The following AGXT2 variants were observed in gnomAD, a reference collection of about 807,000 sequenced individuals.
AGXT2 encodes alanine--glyoxylate aminotransferase 2, mitochondrial.
Under a neutral mutation model 62.5 loss-of-function variants are expected in AGXT2, and 61 were observed. The observed-to-expected ratio is 0.98, with a 90% CI of 0.79 to 1.21. AGXT2 has a LOEUF of 1.21. Ranked by LOEUF, AGXT2 falls within the 50% of genes most tolerant of loss-of-function variation. The pLI, the probability that AGXT2 is intolerant of heterozygous loss-of-function variation, is 0.00. For synonymous variants in AGXT2, 243 were observed against 218.7 expected (o/e 1.11, Z -0.98); for missense variants, 666 against 641.5 (o/e 1.04, Z -0.41).
intron 9 of AGXT2, among the ~76,000 whole-genome samples, chr5:35,020,146 A>T (rs910884842): frequency 3.3e-5 from 5 of 152,248 alleles, no homozygotes; most frequent in Non-Finnish European, 7.3e-5. Flanking sequence ...CCAGAGGTAC[A>T]AGGAGGAACT....
intron 7 of AGXT2, among the ~76,000 whole-genome samples, chr5:35,029,514 T>G: frequency 6.6e-6 from 1 of 152,180 alleles, no homozygotes; most frequent in South Asian, 2.1e-4. Context: ...GATGTAACCC[T>G]AGGTTAGGCC....
intron 7 of AGXT2, among the ~76,000 whole-genome samples, chr5:35,030,871 C>T (rs10941229): frequency 0.43 from 65,574 of 152,118 alleles, 15,533 homozygotes; most frequent in East Asian, 0.67. Context: ...TATTCAAATA[C>T]GGCTTTACCA....
intron 9 of AGXT2, among the ~76,000 whole-genome samples, chr5:35,015,953 G>A (rs774613504): frequency 7.3e-5 from 11 of 151,420 alleles, no homozygotes; most frequent in Non-Finnish European, 1.6e-4. Flanking sequence ...AGTGACCAGT[G>A]TAGGAGAAGA....
intron 12 of AGXT2, among the ~76,000 whole-genome samples, chr5:35,004,416 G>T (rs1029828810): frequency 6.6e-6 from 1 of 152,128 alleles, no homozygotes; most frequent in Non-Finnish European, 1.5e-5. Flanking sequence ...GCATCCTCCA[G>T]GGTTAGGAAA....
intron 1 of AGXT2, among the ~76,000 whole-genome samples, chr5:35,041,435 C>T (rs1406594671): frequency 1.3e-5 from 2 of 152,022 alleles, no homozygotes; most frequent in African/African-American, 2.4e-5. Context: ...AGAACGGGAA[C>T]AAAACTCCTC....
intron 13 of AGXT2, among the ~76,000 whole-genome samples, chr5:35,002,783 G>A (rs1186374262): frequency 6.6e-6 from 1 of 151,888 alleles, no homozygotes. Context: ...GGCTGGGGGG[G>A]GGGACTAACA....
At chr5:35,030,001 G>C (rs1767500753) in intron 7 of AGXT2, among the ~76,000 whole-genome samples, 1 of 152,162 alleles carries the variant, frequency 6.6e-6, no homozygotes, top group South Asian at 2.1e-4. Context: ...CCTATCAATA[G>C]GTTAAGAGGA....
intron 1 of AGXT2, among the ~76,000 whole-genome samples, chr5:35,045,600 A>G (rs1486392216): frequency 1.3e-5 from 2 of 152,138 alleles, no homozygotes; most frequent in Non-Finnish European, 2.9e-5. Flanking sequence ...TGCTCAATAA[A>G]TGTATGTTAG....
chr5:35,018,157 T>C (rs1389470195), intron 9 of AGXT2, among the ~76,000 whole-genome samples: 1 of 152,146 alleles, frequency 6.6e-6, no homozygotes, highest in African/African-American at 2.4e-5. Flanking sequence ...CTGCAGGATA[T>C]TATCCAGGAG....
chr5:34,999,129 C>G (rs1766136822), intron 13 of AGXT2, among the ~76,000 whole-genome samples: 1 of 152,206 alleles, frequency 6.6e-6, no homozygotes, highest in African/African-American at 2.4e-5. Context: ...CCCAGGGTGA[C>G]TTCCATGTCC....
chr5:35,026,411 T>C lies in AGXT2; in HGVS notation c.869A>G (p.Gln290Arg), dbSNP rs1168997072. 1 of 1,613,638 alleles carries C rather than the reference T, an allele frequency of 6.2e-7. No homozygotes were observed. The highest frequency in any genetic ancestry group is 1.7e-5 in the Admixed American group (1 of 60,020). Reference protein sequence around the residue: ...SIAGFFAEPIQGVNGVVQYPK... With the variant: ...SIAGFFAEPIRGVNGVVQYPK... The stretch of plus-strand genomic sequence containing the variant: ...AATGTCTAAGGTTCATATACCCACT[T>C]GAATAGGTTCTGCGAAAAATCCAGC... The change falls in exon 8 of 14, where the codon CAA becomes CGA. Residue 290 changes from glutamine to arginine, a missense_variant and splice_region_variant. Physicochemically the swap from Gln to Arg is conservative, Grantham distance 43 (BLOSUM62 1). Coordinates refer to ENST00000231420, the MANE Select transcript of AGXT2 (RefSeq NM_031900.4).
At chr5:35,021,421 T>C (rs1372183337) in intron 9 of AGXT2, among the ~76,000 whole-genome samples, 11 of 150,874 alleles carry the variant, frequency 7.3e-5, no homozygotes, top group African/African-American at 2.7e-4. Flanking sequence ...TAATGCTGCA[T>C]ATCTACAACT....
chr5:35,039,086 A>C (rs1405325497), intron 3 of AGXT2, among the ~76,000 whole-genome samples: 1 of 152,210 alleles, frequency 6.6e-6, no homozygotes, highest in Non-Finnish European at 1.5e-5. Flanking sequence ...GACTCCAGTC[A>C]CATGGTACAT....
rs936349808 is a variant in AGXT2 at position 35,026,056 on chromosome 5, A to G, written c.871-201T>C. 26 of 618,102 alleles carry G rather than the reference A, an allele frequency of 4.2e-5. No individual in the cohort carries two copies. The African/African-American group carries it at 4.2e-4, about 10-fold the overall frequency. 38.3% of individuals were successfully genotyped at this position (618,102 alleles called of 1,614,324 possible). ...TGACTTCTGGAAAAAAGATGCAAAC[A>G]TTGATTATTTTCTGAGATTAGAAAA... On this transcript the variant is annotated intron_variant, in intron 8 of 13. Coordinates refer to ENST00000231420, the MANE Select transcript of AGXT2 (RefSeq NM_031900.4).
At chr5:35,023,955 A>G (rs1038449886) in intron 9 of AGXT2, among the ~76,000 whole-genome samples, 2 of 151,962 alleles carry the variant, frequency 1.3e-5, no homozygotes, top group Non-Finnish European at 2.9e-5. Context: ...GTGCAATGGC[A>G]TGATCTTGGC....
chr5:35,012,908 AG>A, intron 11 of AGXT2, 45 bp downstream of exon 11: 1 of 1,503,068 alleles, frequency 6.7e-7, no homozygotes, highest in Admixed American at 2.0e-5. Flanking sequence ...GTTTTGAAAG[AG>A]TCATTTGTGA....
At chr5:35,024,135 G>A (rs534035617) in intron 9 of AGXT2, among the ~76,000 whole-genome samples, 5 of 152,102 alleles carry the variant, frequency 3.3e-5, no homozygotes, top group Admixed American at 6.5e-5. Flanking sequence ...TCAAGTGACC[G>A]GCCTGCCTCA....
At chr5:35,001,869 A>G (rs927020853) in intron 13 of AGXT2, among the ~76,000 whole-genome samples, 1 of 152,088 alleles carries the variant, frequency 6.6e-6, no homozygotes, top group Admixed American at 6.5e-5. Flanking sequence ...TTACTACATT[A>G]TATTGTAATT....
intron 4 of AGXT2, 71 bp from the exon 5 acceptor site, chr5:35,035,387 A>C: frequency 7.6e-7 from 1 of 1,319,530 alleles, no homozygotes; most frequent in Non-Finnish European, 1.1e-6. Flanking sequence ...AAATTGCTGA[A>C]GGGCAGGTGT....
Sources: gnomAD v4.1 joint callset for allele counts (sites outside exome capture counted in the v4.1 genomes callset) on GRCh38, gnomAD v4.1.1 for gene constraint, MANE v1.5 for transcripts, NCBI Gene and HGNC (gene_info 2026-07-23, HGNC 2026-07-21) for gene names.